Variants in ZFHX3 observed in about 807,000 individuals in gnomAD.
ZFHX3 encodes zinc finger homeobox 3.
A neutral mutation model predicts 279.1 loss-of-function variants in ZFHX3; 42 were observed. That is an observed-to-expected ratio of 0.15 (90% CI 0.12 to 0.19). The LOEUF (loss-of-function observed/expected upper bound fraction) is 0.19, where lower values mean the gene tolerates loss of function less well. Ranked by LOEUF, ZFHX3 falls within the 10% of genes least tolerant of loss-of-function variation. ZFHX3 has a pLI of 1.00. For synonymous variants in ZFHX3, 2,293 were observed against 1,957.8 expected (o/e 1.17, Z -4.52); for missense variants, 4,981 against 4,754.0 (o/e 1.05, Z -1.40).
At chr16:73,586,095 A>C (rs564526204) in intron 2 of ZFHX3, among the ~76,000 whole-genome samples, 2 of 152,302 alleles carry the variant, frequency 1.3e-5, no homozygotes, top group African/African-American at 4.8e-5. Context: ...GACATATTAA[A>C]ACATACACAA....
intron 1 of ZFHX3, among the ~76,000 whole-genome samples, chr16:73,837,765 T>TAGC (rs560022773): frequency 5.1e-4 from 77 of 152,242 alleles, no homozygotes; most frequent in Middle Eastern, 3.4e-3. Context: ...GCCTGATGAG[T>TAGC]AGCTGGGATT....
intron 7 of ZFHX3, among the ~76,000 whole-genome samples, chr16:73,103,349 G>A (rs1966254898): frequency 6.6e-6 from 1 of 150,770 alleles, no homozygotes; most frequent in Non-Finnish European, 1.5e-5. Flanking sequence ...CCAACCTTGG[G>A]TACCCCAAAC....
intron 4 of ZFHX3, among the ~76,000 whole-genome samples, chr16:72,853,971 A>G (rs2037684568): frequency 6.6e-6 from 1 of 152,054 alleles, no homozygotes; most frequent in Non-Finnish European, 1.5e-5. Flanking sequence ...AAAAGAAAAG[A>G]AAAGAAAAGA....
At chr16:73,679,879 A>G (rs1239909912) in intron 2 of ZFHX3, 1 of 152,220 alleles carries the variant, frequency 6.6e-6, no homozygotes, top group Non-Finnish European at 1.5e-5. Context: ...CAAAATCTTT[A>G]GCAACAGGAT....
Position 73,710,510 on chromosome 16 carries a change from CG to C in ZFHX3, c.-1607-30271del, listed in dbSNP as rs111406680. On this transcript the variant is annotated intron_variant, in intron 1 of 17. Transcript: ENST00000641206. The stretch of plus-strand genomic sequence containing the variant: ...CATCAACTGTTGTCCACACAGAAGT[CG>C]GGGAGAGGTTGCACCGCTTGAGTTT... Among the ~76,000 whole-genome samples the C allele has an allele frequency of 4.3e-3, 658 of 152,294 alleles. 4 individuals carry two copies. The highest frequency in any genetic ancestry group is 0.015 in the African/African-American group (609 of 41,564).
At chr16:73,614,818 G>A (rs775807895) in intron 2 of ZFHX3, among the ~76,000 whole-genome samples, 1 of 151,948 alleles carries the variant, frequency 6.6e-6, no homozygotes, top group Non-Finnish European at 1.5e-5. Flanking sequence ...GAAGTGCAAT[G>A]GCATGATCAT....
chr16:73,821,223 C>A (rs958321032), intron 1 of ZFHX3, among the ~76,000 whole-genome samples: 12 of 152,196 alleles, frequency 7.9e-5, no homozygotes, highest in Non-Finnish European at 1.3e-4. Flanking sequence ...GAACTCTGTC[C>A]TGTGACCTCT....
chr16:73,615,435 T>C (rs1191261506), intron 2 of ZFHX3, among the ~76,000 whole-genome samples: 3 of 152,154 alleles, frequency 2.0e-5, no homozygotes, highest in Non-Finnish European at 2.9e-5. Flanking sequence ...CTTTGCAACT[T>C]TGGAATCTTT....
At chr16:72,830,525 T>G (rs1352645171) in intron 4 of ZFHX3, among the ~76,000 whole-genome samples, 2 of 151,778 alleles carry the variant, frequency 1.3e-5, no homozygotes, top group Admixed American at 6.6e-5. Context: ...TGTAACAGAG[T>G]CGTACACTTT....
chr16:73,686,388 G>A (rs1249652862), intron 1 of ZFHX3, among the ~76,000 whole-genome samples: 6 of 152,130 alleles, frequency 3.9e-5, no homozygotes, highest in Non-Finnish European at 5.9e-5. Context: ...CACCACGCCT[G>A]GTCATATTCA....
intron 4 of ZFHX3, among the ~76,000 whole-genome samples, chr16:72,866,404 T>C (rs1047711228): frequency 6.6e-6 from 1 of 152,208 alleles, no homozygotes; most frequent in Non-Finnish European, 1.5e-5. Flanking sequence ...AGGGTGCAAT[T>C]GGGAGCCCCT....
At chr16:73,063,138 C>T (rs1287191384), upstream of ZFHX3, among the ~76,000 whole-genome samples, 2 of 152,158 alleles carry the variant, frequency 1.3e-5, no homozygotes, top group South Asian at 2.1e-4. Context: ...GCGGGCTGCT[C>T]GCAGTGCCGG....
intron 4 of ZFHX3, among the ~76,000 whole-genome samples, chr16:73,314,503 C>A (rs192430528): frequency 6.6e-6 from 1 of 152,282 alleles, no homozygotes; most frequent in South Asian, 2.1e-4. Flanking sequence ...AATGGCAGAG[C>A]CGGGATGGAA....
chr16:72,786,931 G>T lies in ZFHX3; in HGVS notation c.*233C>A. On this transcript the variant is annotated 3_prime_UTR_variant, in exon 10 of 10. Coordinates refer to ENST00000268489, the MANE Select transcript of ZFHX3 (RefSeq NM_006885.4). ...AAAAGGACACAATGTAACAGGGTTA[G>T]GGCTTTTTTTTTTTTTTTAATATTA... 3.3e-6 allele frequency: 1 copy of T among 306,988 alleles called. No individual in the cohort carries two copies. The highest frequency in any genetic ancestry group is 5.4e-6 in the Non-Finnish European group (1 of 184,064). The allele number at this position is 306,988 out of a possible 1,614,324, so 19.0% of individuals were successfully genotyped here. A position where few individuals can be genotyped will look rare whatever the true frequency, so the allele number is the denominator to read the frequency against.
intron 1 of ZFHX3, among the ~76,000 whole-genome samples, chr16:73,054,442 ATTTTTTTTTTTTT>A (rs34141418): frequency 3.3e-5 from 3 of 91,928 alleles, no homozygotes; most frequent in African/African-American, 1.2e-4. Context: ...AACCAGGAGG[ATTTTTTTTTTTTT>A]TTTTTTTTTT....
In ZFHX3 at chr16:72,788,947, G is replaced by A; in HGVS notation, c.9428-99C>T. The A allele has an allele frequency of 4.1e-6, 6 of 1,470,846 alleles. No individual in the cohort carries two copies. In the South Asian group the frequency reaches 7.7e-5, roughly 19 times the overall value. The allele number at this position is 1,470,846 out of a possible 1,614,324, so 91.1% of individuals were successfully genotyped here. A position where few individuals can be genotyped will look rare whatever the true frequency, so the allele number is the denominator to read the frequency against. The stretch of plus-strand genomic sequence containing the variant: ...GTGTCACTGGCACACAGTTTGAGAT[G>A]TCAAGGCTTGAAGGATCCTCTCAAA... On this transcript the variant is annotated intron_variant, in intron 9 of 9. Coordinates refer to ENST00000268489, the MANE Select transcript of ZFHX3 (RefSeq NM_006885.4).
chr16:73,120,166 A>G (rs1323748100), intron 7 of ZFHX3, among the ~76,000 whole-genome samples: 3 of 151,970 alleles, frequency 2.0e-5, no homozygotes, highest in East Asian at 1.9e-4. Context: ...CTATCCCTTC[A>G]TGACCCTTGG....
chr16:73,588,311 T>C (rs911648879), intron 2 of ZFHX3, among the ~76,000 whole-genome samples: 1 of 152,178 alleles, frequency 6.6e-6, no homozygotes, highest in South Asian at 2.1e-4. Context: ...AATACACATC[T>C]ATCTGAGGAA....
In ZFHX3 at chr16:73,011,725, GA is replaced by G. The variant is rs555336296; in HGVS notation, c.-50+36026del. On this transcript the variant is annotated intron_variant, in intron 1 of 9. Coordinates refer to ENST00000268489, the MANE Select transcript of ZFHX3 (RefSeq NM_006885.4). ...TGACAGAGCAAGACTCAATCTCAAG[GA>G]AAAAAAAAAAATCACAAGCCCCCCT... 2.3e-3 allele frequency among the ~76,000 whole-genome samples: 328 copies of G among 143,822 alleles called. 2 individuals are homozygous for G. Among genetic ancestry groups the G allele is most frequent in the African/African-American group, 6.4e-3 (250 of 39,330 alleles). The allele number at this position is 143,822 out of a possible 152,430, so 94.4% of individuals were successfully genotyped here.
Sources: allele counts gnomAD v4.1 joint callset (sites outside exome capture counted in the v4.1 genomes callset), GRCh38; gene constraint gnomAD v4.1.1; transcripts MANE v1.5; gene names NCBI Gene and HGNC (gene_info 2026-07-23, HGNC 2026-07-21).